The following LAMB1 variants were observed in gnomAD, a reference collection of about 807,000 sequenced individuals.
LAMB1 encodes laminin subunit beta-1.
In LAMB1, 121 loss-of-function variants were observed where a neutral mutation model predicts 222.3. The ratio of observed to expected loss-of-function variants is 0.54; its 90% confidence interval spans 0.47 to 0.63. LAMB1 has a LOEUF of 0.63. Ranked by LOEUF, LAMB1 falls within the 30% of genes least tolerant of loss-of-function variation. The pLI, the probability that LAMB1 is intolerant of heterozygous loss-of-function variation, is 0.00. For synonymous variants in LAMB1, 794 were observed against 807.2 expected (o/e 0.98, Z 0.28); for missense variants, 2,172 against 2,240.8 (o/e 0.97, Z 0.62).
At chr7:107,929,693 C>T in intron 29 of LAMB1, 74 bp from the exon 30 acceptor site, 1 of 1,189,354 alleles carries the variant, frequency 8.4e-7, no homozygotes, top group Non-Finnish European at 1.2e-6. Flanking sequence ...ACTTACTGGT[C>T]ATCTACTATG....
Position 107,976,222 on chromosome 7 carries a change from G to A in LAMB1, c.1001-345C>T, listed in dbSNP as rs77841890. Among the ~76,000 whole-genome samples, 11 of 152,252 alleles carry A rather than the reference G, an allele frequency of 7.2e-5. No individual in the cohort carries two copies. The East Asian group carries it at 1.7e-3, about 24-fold the overall frequency. On this transcript the variant is annotated intron_variant, in intron 9 of 33. Transcript: ENST00000222399. ...ACTGAGGGCGCTTTCTGGTCCACTC[G>A]AGGTGGGACTGGATGGAAGAACACT...
At chr7:107,951,928 G>T in intron 23 of LAMB1, 81 bp downstream of exon 23, 1 of 1,187,026 alleles carries the variant, frequency 8.4e-7, no homozygotes, top group Non-Finnish European at 1.2e-6. Flanking sequence ...GTGCCCTGGT[G>T]CCTTGCTCTA....
chr7:107,948,580 T>C (rs191484514), intron 24 of LAMB1, among the ~76,000 whole-genome samples: 2 of 152,268 alleles, frequency 1.3e-5, no homozygotes, highest in African/African-American at 4.8e-5. Flanking sequence ...CTGGGTATCA[T>C]TATTAGGGTC....
chr7:107,932,022 G>T, intron 28 of LAMB1, 152 bp downstream of exon 28: 2 of 753,668 alleles, frequency 2.7e-6, no homozygotes, highest in Non-Finnish European at 4.5e-6. Context: ...CTCTTTCTCT[G>T]ACCTCACAGA....
rs776385044 is a variant in LAMB1 at position 107,955,479 on chromosome 7, G to A, written c.2842C>T (p.Pro948Ser). The A allele has an allele frequency of 4.3e-6, 7 of 1,613,488 alleles. No homozygotes were observed. In the East Asian group the frequency reaches 1.6e-4, roughly 36 times the overall value. ...VTLQLACVCD[P>S]GYIGSRCDDC... is the part of the protein sequence containing the mutation. Reference sequence around the variant, plus strand: ...GCACACGACTTACCAATGTATCCAGGATCACAAACACAGGCAAGCTGTAAA... The same window carrying A: ...GCACACGACTTACCAATGTATCCAGAATCACAAACACAGGCAAGCTGTAAA... The change falls in exon 21 of 34, where the codon CCT (proline) becomes TCT (serine). Residue 948 changes from proline to serine, a missense_variant. Pro to Ser is a moderately conservative substitution (Grantham distance 74, BLOSUM62 -1). Coordinates refer to ENST00000222399, the MANE Select transcript of LAMB1 (RefSeq NM_002291.3).
In LAMB1 at chr7:108,003,142, A is replaced by T; in HGVS notation, c.-118T>A. The T allele has an allele frequency of 1.6e-6, 1 of 639,178 alleles. No individual in the cohort carries two copies. Among genetic ancestry groups the T allele is most frequent in the Non-Finnish European group, 2.5e-6 (1 of 399,168 alleles). 39.6% of individuals were successfully genotyped at this position (639,178 alleles called of 1,614,324 possible). A position where few individuals can be genotyped will look rare whatever the true frequency, so the allele number is the denominator to read the frequency against. On this transcript the variant is annotated 5_prime_UTR_variant, in exon 1 of 34. Coordinates refer to ENST00000222399, the MANE Select transcript of LAMB1 (RefSeq NM_002291.3). The stretch of plus-strand genomic sequence containing the variant: ...ACGCGAGCTCTCGCCCTGCTCCGGG[A>T]GCCCCCGAGCCCAAAGAAGGGAATT...
At chr7:108,000,313 C>T (rs1436180386) in intron 3 of LAMB1, among the ~76,000 whole-genome samples, 1 of 152,162 alleles carries the variant, frequency 6.6e-6, no homozygotes, top group East Asian at 1.9e-4. Context: ...CACTTTACCA[C>T]ATTCCTTTGG....
At chr7:107,929,270 T>G (rs1053453152) in intron 30 of LAMB1, 65 bp from the exon 31 acceptor site, 3 of 1,585,496 alleles carry the variant, frequency 1.9e-6, no homozygotes, top group Admixed American at 3.4e-5. Flanking sequence ...TCAGTGTTCT[T>G]TTCTTTAAAG....
rs766693167 is a variant in LAMB1 at position 107,959,322 on chromosome 7, C to T, written c.2617G>A (p.Ala873Thr). The T allele has an allele frequency of 6.2e-6, 10 of 1,614,226 alleles. No individual in the cohort carries two copies. The highest frequency in any genetic ancestry group is 1.6e-4 in the Middle Eastern group (1 of 6,062). ...CCAGTCACTGGGTCGCAGTCATCGGCGTGGCCATTGCACTGGCAGGGCTGG... is the reference window on the plus strand; with the variant it reads ...CCAGTCACTGGGTCGCAGTCATCGGTGTGGCCATTGCACTGGCAGGGCTGG... ...SCQPCQCNGH[A>T]DDCDPVTGEC... The change falls in exon 20 of 34, where the codon GCC becomes ACC. Residue 873 changes from alanine to threonine, a missense_variant. By Grantham distance (58) the Ala-to-Thr change is moderately conservative. Transcript: ENST00000222399.
At chr7:107,982,699 C>G (rs1196590771) in intron 7 of LAMB1, among the ~76,000 whole-genome samples, 2 of 152,162 alleles carry the variant, frequency 1.3e-5, no homozygotes, top group Non-Finnish European at 2.9e-5. Context: ...TATGCTCCCC[C>G]CACTCTCTCC....
intron 7 of LAMB1, among the ~76,000 whole-genome samples, chr7:107,983,097 A>G (rs2701039): frequency 0.6 from 90,904 of 152,082 alleles, 27,829 homozygotes; most frequent in African/African-American, 0.71. Flanking sequence ...AGAAATTGGC[A>G]CAGAGCTGGA....
In LAMB1 at chr7:107,974,986, C is replaced by A; in HGVS notation, c.1482G>T (p.Leu494=). ...LVTGQHCDQC[L]PEHWGLSNDL... is the part of the protein sequence containing the mutation. ...TCCCACGTAATGAGGATTTACTTAC[C>A]AGGCACTGGTCACAATGCTGTCCTG... Residue 494 remains leucine, a splice_region_variant and synonymous_variant, in exon 12 of 34, where the codon CTG becomes CTT. Transcript: ENST00000222399. 1.9e-6 allele frequency: 3 copies of A among 1,561,206 alleles called. No individual in the cohort carries two copies. The highest frequency in any genetic ancestry group is 1.8e-6 in the Non-Finnish European group (2 of 1,133,488).
At chr7:107,987,934 G>C (rs1262125782) in intron 5 of LAMB1, among the ~76,000 whole-genome samples, 3 of 152,180 alleles carry the variant, frequency 2.0e-5, no homozygotes, top group Non-Finnish European at 4.4e-5. Flanking sequence ...GCAAGGAAAA[G>C]AGAACACTAA....
At chr7:107,926,100 A>C in intron 32 of LAMB1, 83 bp downstream of exon 32, 1 of 1,021,116 alleles carries the variant, frequency 9.8e-7, no homozygotes, top group Admixed American at 2.0e-5. Flanking sequence ...TGTTAGGTCC[A>C]TGTCCCTTAC....
intron 20 of LAMB1, among the ~76,000 whole-genome samples, chr7:107,958,961 G>A (rs1562989202): frequency 6.6e-6 from 1 of 152,208 alleles, no homozygotes; most frequent in Non-Finnish European, 1.5e-5. Context: ...GAGACAGACA[G>A]AATTTCTATA....
intron 7 of LAMB1, among the ~76,000 whole-genome samples, chr7:107,984,070 G>C (rs1005338382): frequency 1.3e-5 from 2 of 152,118 alleles, no homozygotes; most frequent in African/African-American, 4.8e-5. Flanking sequence ...AGAGACTTCT[G>C]ATTTCTCTTC....
intron 13 of LAMB1, 51 bp from the exon 14 acceptor site, chr7:107,964,738 AC>A: frequency 6.3e-7 from 1 of 1,595,628 alleles, no homozygotes; most frequent in South Asian, 1.1e-5. Context: ...ACGCGAGTCA[AC>A]CCGCCAGAAG....
At chr7:107,963,215 A>G in intron 14 of LAMB1, 152 bp from the exon 15 acceptor site, 3 of 718,158 alleles carry the variant, frequency 4.2e-6, no homozygotes, top group Non-Finnish European at 6.6e-6. Flanking sequence ...ATAGATTGTA[A>G]AAAGTTTCTG....
At chr7:107,977,014 T>C (rs10248119) in intron 9 of LAMB1, among the ~76,000 whole-genome samples, 3,309 of 23,776 alleles carry the variant, frequency 0.14, 42 homozygotes, top group South Asian at 0.2. Context: ...CTTTCCTCTC[T>C]CTCCTTCCTT....
Sources: gnomAD v4.1 joint callset for allele counts (sites outside exome capture counted in the v4.1 genomes callset) on GRCh38, gnomAD v4.1.1 for gene constraint, MANE v1.5 for transcripts, NCBI Gene and HGNC (gene_info 2026-07-23, HGNC 2026-07-21) for gene names.